Variants in ARSJ observed in about 807,000 individuals in gnomAD.
ARSJ encodes the protein arylsulfatase J.
A neutral mutation model predicts 35.9 loss-of-function variants in ARSJ; 26 were observed. The ratio of observed to expected loss-of-function variants is 0.72; its 90% confidence interval spans 0.53 to 1.00. The LOEUF (loss-of-function observed/expected upper bound fraction) is 1.00, where lower values mean the gene tolerates loss of function less well. ARSJ is among the 50% of genes least tolerant of loss of function. ARSJ has a pLI of 0.00. For missense variants in ARSJ, 667 were observed against 723.6 expected, an observed-to-expected ratio of 0.92 and a Z score of 0.90; for synonymous variants, 294 against 267.6, an observed-to-expected ratio of 1.10 and a Z score of -0.96.
At chr4:113,947,419 G>C (rs1458793782) in intron 1 of ARSJ, among the ~76,000 whole-genome samples, 1 of 151,890 alleles carries the variant, frequency 6.6e-6, no homozygotes, top group East Asian at 1.9e-4. Context: ...GTTGGAGGTT[G>C]CAGTGAGCCG....
At chr4:113,955,401 A>C (rs1202510114) in intron 1 of ARSJ, among the ~76,000 whole-genome samples, 1 of 151,984 alleles carries the variant, frequency 6.6e-6, no homozygotes, top group Non-Finnish European at 1.5e-5. Flanking sequence ...GACTCATGGT[A>C]ATCCAAATGA....
chr4:113,947,524 G>A (rs541071791), intron 1 of ARSJ, among the ~76,000 whole-genome samples: 12 of 147,126 alleles, frequency 8.2e-5, no homozygotes, highest in Non-Finnish European at 1.7e-4. Context: ...GAGAGAGAGA[G>A]GGAGGGAGGG....
intron 1 of ARSJ, among the ~76,000 whole-genome samples, chr4:113,907,057 G>T (rs2099668963): frequency 6.6e-6 from 1 of 152,184 alleles, no homozygotes; most frequent in Non-Finnish European, 1.5e-5. Context: ...CTGTGAAACT[G>T]ATTCTTGATC....
At chr4:113,912,048 T>C (rs1322698604) in intron 1 of ARSJ, among the ~76,000 whole-genome samples, 3 of 152,182 alleles carry the variant, frequency 2.0e-5, no homozygotes, top group African/African-American at 7.2e-5. Context: ...TAATGACAAA[T>C]AGTGGAATGC....
Position 113,961,046 on chromosome 4 carries a change from T to C in ARSJ, c.398+17391A>G, listed in dbSNP as rs142081423. Among the ~76,000 whole-genome samples, 38 of 152,188 alleles carry C rather than the reference T, an allele frequency of 2.5e-4. 1 individual carries two copies. Among genetic ancestry groups the C allele is most frequent in the African/African-American group, 8.9e-4 (37 of 41,560 alleles). ...CCAATTTACCTTTGGCAAACATAGG[T>C]AACGTGAACTGGGCAGCTCCTCTAG... is the stretch of plus-strand genomic sequence containing the variant. On this transcript the variant is annotated intron_variant, in intron 1 of 1. Transcript: ENST00000315366.
At chr4:113,958,160 A>ACT (rs1234661071) in intron 1 of ARSJ, among the ~76,000 whole-genome samples, 1 of 151,640 alleles carries the variant, frequency 6.6e-6, no homozygotes, top group East Asian at 1.9e-4. Flanking sequence ...ATTTCCTCTT[A>ACT]CTCTCTCCTT....
chr4:113,925,308 G>A (rs1382166474), intron 1 of ARSJ, among the ~76,000 whole-genome samples: 1 of 151,968 alleles, frequency 6.6e-6, no homozygotes, highest in African/African-American at 2.4e-5. Flanking sequence ...AGGTAATGTC[G>A]CAGGAACAGG....
At chr4:113,919,865 G>C (rs1032865035) in intron 1 of ARSJ, among the ~76,000 whole-genome samples, 15 of 152,284 alleles carry the variant, frequency 9.9e-5, no homozygotes, top group African/African-American at 3.6e-4. Flanking sequence ...CCTGAAAAAG[G>C]CTAAGAAATG....
At chr4:113,931,120 A>G (rs1279045133) in intron 1 of ARSJ, among the ~76,000 whole-genome samples, 1 of 152,054 alleles carries the variant, frequency 6.6e-6, no homozygotes, top group Non-Finnish European at 1.5e-5. Context: ...GCACATGTAT[A>G]CATATGTAAC....
Position 113,902,147 on chromosome 4 carries a change from G to T in ARSJ, c.*127C>A. 1 of 1,597,346 alleles carries T rather than the reference G, an allele frequency of 6.3e-7. No individual in the cohort carries two copies. Among genetic ancestry groups the T allele is most frequent in the Non-Finnish European group, 8.5e-7 (1 of 1,179,234 alleles). Reference sequence around the variant, plus strand: ...CCAGGTGGCAGAAGTCTCTGGAGTGGCACAGCATGAAAACAAGCCTGACGC... The same window carrying T: ...CCAGGTGGCAGAAGTCTCTGGAGTGTCACAGCATGAAAACAAGCCTGACGC... On this transcript the variant is annotated 3_prime_UTR_variant, in exon 2 of 2. Transcript: ENST00000315366.
At chr4:113,922,993 G>T (rs1356249834) in intron 1 of ARSJ, among the ~76,000 whole-genome samples, 1 of 152,012 alleles carries the variant, frequency 6.6e-6, no homozygotes, top group Non-Finnish European at 1.5e-5. Context: ...AATATGGATG[G>T]GCCTCTCTGA....
intron 1 of ARSJ, among the ~76,000 whole-genome samples, chr4:113,912,899 G>C (rs12498919): frequency 0.71 from 107,647 of 151,950 alleles, 38,906 homozygotes; most frequent in East Asian, 0.81. Context: ...TAAATAAAAT[G>C]TATATGATTA....
intron 1 of ARSJ, among the ~76,000 whole-genome samples, chr4:113,942,149 T>C: frequency 6.6e-6 from 1 of 151,900 alleles, no homozygotes. Context: ...GAATAAGTAG[T>C]GAGTGATAAA....
intron 1 of ARSJ, among the ~76,000 whole-genome samples, chr4:113,957,850 CAACA>C (rs1197875599): frequency 5.3e-5 from 8 of 151,980 alleles, no homozygotes; most frequent in Non-Finnish European, 1.2e-4. Context: ...AAATTTTTAT[CAACA>C]AACAAAAAAT....
intron 1 of ARSJ, among the ~76,000 whole-genome samples, chr4:113,952,913 T>C (rs1413659145): frequency 6.6e-6 from 1 of 151,918 alleles, no homozygotes; most frequent in Non-Finnish European, 1.5e-5. Flanking sequence ...GAAGCAGGAG[T>C]CTTAGTGTCA....
At position 113,902,836 on chromosome 4, in the gene ARSJ, GAGCGA is replaced by G; in HGVS notation, c.1233_1237del (p.Arg412ThrfsTer8). On this transcript the variant is annotated frameshift_variant, in exon 2 of 2. Transcript: ENST00000315366. LOFTEE classifies it high-confidence loss of function. ...GTTATGCAAAATATCTACTCGGGGT[GAGCGA>G]AGACCCTCACTTATGGTCTCCCAGA... is the stretch of plus-strand genomic sequence containing the variant. The G allele has an allele frequency of 6.2e-7, 1 of 1,614,112 alleles. No homozygotes were observed. The highest frequency in any genetic ancestry group is 8.5e-7 in the Non-Finnish European group (1 of 1,180,022).
Position 113,965,533 on chromosome 4 carries a change from A to C in ARSJ, c.398+12904T>G, listed in dbSNP as rs562574111. 1.3e-3 allele frequency among the ~76,000 whole-genome samples: 193 copies of C among 152,232 alleles called. 1 individual carries two copies. The highest frequency in any genetic ancestry group is 4.4e-3 in the African/African-American group (182 of 41,554). On this transcript the variant is annotated intron_variant, in intron 1 of 1. Transcript: ENST00000315366. ...GGATAATAATAATTACTCTAGAGTT[A>C]CAAGACTTGGAGAATATATAAAAGA...
chr4:113,958,960 T>C (rs1726370490), intron 1 of ARSJ, among the ~76,000 whole-genome samples: 2 of 152,038 alleles, frequency 1.3e-5, no homozygotes, highest in African/African-American at 2.4e-5. Flanking sequence ...CTCTTGCCAT[T>C]TCTACTCTAC....
intron 1 of ARSJ, among the ~76,000 whole-genome samples, chr4:113,958,311 A>G (rs1222660580): frequency 6.6e-6 from 1 of 152,096 alleles, no homozygotes; most frequent in Non-Finnish European, 1.5e-5. Context: ...TGTACAATGA[A>G]AATTCAGTCG....
Sources: allele counts gnomAD v4.1 joint callset (sites outside exome capture counted in the v4.1 genomes callset), GRCh38; gene constraint gnomAD v4.1.1; transcripts MANE v1.5; gene names NCBI Gene and HGNC (gene_info 2026-07-23, HGNC 2026-07-21).